The following LIPI variants were observed in gnomAD, a reference collection of about 807,000 sequenced individuals.
The protein encoded by LIPI is lipase I.
In LIPI, 59 loss-of-function variants were observed where a neutral mutation model predicts 50.6. That is an observed-to-expected ratio of 1.16 (90% CI 0.94 to 1.45). The LOEUF (loss-of-function observed/expected upper bound fraction) is 1.45, where lower values mean the gene tolerates loss of function less well. Among genes scored for constraint, LIPI ranks in the 40% most tolerant of loss-of-function variants. The pLI is 0.00. For synonymous variants in LIPI, 203 were observed against 178.2 expected (o/e 1.14, Z -1.11); for missense variants, 586 against 536.3 (o/e 1.09, Z -0.92).
At chr21:14,153,876 T>C (rs1268887455) in intron 7 of LIPI, among the ~76,000 whole-genome samples, 1 of 152,188 alleles carries the variant, frequency 6.6e-6, no homozygotes, top group Non-Finnish European at 1.5e-5. Context: ...ATAAATTGTT[T>C]CTTGAGATTA....
chr21:14,174,842 G>A (rs966682021), intron 4 of LIPI, among the ~76,000 whole-genome samples: 3 of 152,100 alleles, frequency 2.0e-5, no homozygotes, highest in South Asian at 4.1e-4. Context: ...GTGAGCCACC[G>A]CACCCGGCCT....
intron 9 of LIPI, among the ~76,000 whole-genome samples, chr21:14,121,451 A>T (rs553209304): frequency 1.3e-5 from 2 of 152,218 alleles, no homozygotes; most frequent in Non-Finnish European, 2.9e-5. Context: ...GACCAACTGC[A>T]CTTATATCTC....
chr21:14,169,572 T>C (rs1228995286), intron 4 of LIPI, among the ~76,000 whole-genome samples: 14 of 152,036 alleles, frequency 9.2e-5, no homozygotes, highest in Non-Finnish European at 1.9e-4. Context: ...CTCAAAACCG[T>C]TCAACTACAT....
chr21:14,157,837 A>G (rs1428916513), intron 7 of LIPI, among the ~76,000 whole-genome samples: 2 of 151,694 alleles, frequency 1.3e-5, no homozygotes, highest in Admixed American at 6.6e-5. Flanking sequence ...TGTTGACTCT[A>G]TTTTTCTTCT....
At chr21:14,191,376 C>CAAAAAAA (rs71183411) in intron 1 of LIPI, among the ~76,000 whole-genome samples, 2 of 86,292 alleles carry the variant, frequency 2.3e-5, no homozygotes, top group South Asian at 3.8e-4. Context: ...GACTCCGTCT[C>CAAAAAAA]AAAAAAAAAA....
chr21:14,109,075 G>A lies in LIPI; in HGVS notation c.1301C>T (p.Pro434Leu). 6.3e-7 allele frequency: 1 copy of A among 1,594,234 alleles called. No homozygotes were observed. The highest frequency in any genetic ancestry group is 1.3e-5 in the African/African-American group (1 of 74,552). ...AAGTACAATATTATACCTGCAAAGT[G>A]GTGGTCTGAGAAAGAGAAAAATGGA... is the stretch of plus-strand genomic sequence containing the variant. ...LKSLTYPERP[P>L]LCRYNIVLKD... The change falls in exon 10 of 10, where the codon CCA (proline) becomes CTA (leucine). Residue 434 changes from proline to leucine, a missense_variant. By Grantham distance (98) the Pro-to-Leu change is moderately conservative. Coordinates refer to ENST00000681601, the MANE Select transcript of LIPI (RefSeq NM_001302998.2).
At chr21:14,187,008 G>A (rs550960501) in intron 2 of LIPI, among the ~76,000 whole-genome samples, 15 of 152,246 alleles carry the variant, frequency 9.9e-5, no homozygotes, top group African/African-American at 3.4e-4. Context: ...CCAAAATTAT[G>A]CTAATTTGCC....
chr21:14,143,531 A>G (rs960256338), intron 9 of LIPI: 1 of 152,002 alleles, frequency 6.6e-6, no homozygotes, highest in Admixed American at 6.6e-5. Context: ...TATGTTTAAC[A>G]TTGACAAGAA....
intron 1 of LIPI, among the ~76,000 whole-genome samples, chr21:14,199,163 C>A (rs1294667623): frequency 6.6e-6 from 1 of 152,004 alleles, no homozygotes; most frequent in African/African-American, 2.4e-5. Context: ...CTCAAGTTAA[C>A]AATCTAACAT....
chr21:14,183,713 A>C (rs1361312611), intron 3 of LIPI, among the ~76,000 whole-genome samples: 1 of 152,226 alleles, frequency 6.6e-6, no homozygotes, highest in Non-Finnish European at 1.5e-5. Flanking sequence ...CAGCCAAAAA[A>C]CACATGAAAA....
chr21:14,158,567 G>T (rs997041657), intron 7 of LIPI, among the ~76,000 whole-genome samples: 3 of 149,270 alleles, frequency 2.0e-5, no homozygotes, highest in Non-Finnish European at 4.5e-5. Context: ...TAGAAGAAAA[G>T]ATGTGTGTGT....
At chr21:14,193,050 A>G (rs2019729697) in intron 1 of LIPI, among the ~76,000 whole-genome samples, 1 of 152,240 alleles carries the variant, frequency 6.6e-6, no homozygotes, top group Non-Finnish European at 1.5e-5. Flanking sequence ...AATGCATGTT[A>G]ATGGGTACAC....
chr21:14,160,383 T>TTA (rs1489273600), intron 7 of LIPI, among the ~76,000 whole-genome samples: 1 of 151,378 alleles, frequency 6.6e-6, no homozygotes, highest in East Asian at 1.9e-4. Context: ...GATATCTATA[T>TTA]TATATATCTC....
At position 14,189,040 on chromosome 21, in the gene LIPI, A is replaced by G; in HGVS notation, c.426T>C (p.Asn142=). Residue 142 remains asparagine (N), a synonymous_variant, in exon 2 of 10, where the codon AAT becomes AAC. Transcript: ENST00000681601. ...ATAAAATTCCCAGACTTACCAAAAG[A>G]TTTTTAATGTGCACACTCAAACTCA... ...VAVSLSVHIK[N]LLKHGASLDN... 1 of 1,604,296 alleles carries G rather than the reference A, an allele frequency of 6.2e-7. No individual in the cohort carries two copies. The highest frequency in any genetic ancestry group is 8.5e-7 in the Non-Finnish European group (1 of 1,179,676).
rs1456996366 is a variant in LIPI at position 14,130,644 on chromosome 21, T to C, written c.1295+13979A>G. 2.0e-5 allele frequency among the ~76,000 whole-genome samples: 3 copies of C among 152,224 alleles called. No homozygotes were observed. In the East Asian group the frequency reaches 5.8e-4, roughly 29 times the overall value. Reference sequence around the variant, plus strand: ...GCATCATTTTGAGAGTTTAGTGATATGCTGTGCCTGACCCTTGGGCCAAGT... The same window carrying C: ...GCATCATTTTGAGAGTTTAGTGATACGCTGTGCCTGACCCTTGGGCCAAGT... On this transcript the variant is annotated intron_variant, in intron 9 of 9. Coordinates refer to ENST00000681601, the MANE Select transcript of LIPI (RefSeq NM_001302998.2).
intron 9 of LIPI, among the ~76,000 whole-genome samples, chr21:14,134,978 AC>A (rs2017437396): frequency 6.6e-6 from 1 of 152,212 alleles, no homozygotes; most frequent in Non-Finnish European, 1.5e-5. Flanking sequence ...CAAAAAAGAA[AC>A]AATCAACCGA....
At chr21:14,202,523 A>C (rs112599283) in intron 1 of LIPI, among the ~76,000 whole-genome samples, 21,536 of 152,034 alleles carry the variant, frequency 0.14, 1,932 homozygotes, top group South Asian at 0.21. Flanking sequence ...CTCAGAAATA[A>C]TGCCGCATAT....
intron 7 of LIPI, among the ~76,000 whole-genome samples, chr21:14,160,329 C>T (rs1454851183): frequency 6.6e-6 from 1 of 151,078 alleles, no homozygotes. Flanking sequence ...AGACCCAACA[C>T]AAATAGGTAC....
At chr21:14,169,470 T>A (rs1484581501) in intron 4 of LIPI, among the ~76,000 whole-genome samples, 1 of 151,640 alleles carries the variant, frequency 6.6e-6, no homozygotes, top group East Asian at 1.9e-4. Flanking sequence ...GAAGTAAAGC[T>A]CTCCTCAGCA....
Sources: gnomAD v4.1 joint callset for allele counts (sites outside exome capture counted in the v4.1 genomes callset) on GRCh38, gnomAD v4.1.1 for gene constraint, MANE v1.5 for transcripts, NCBI Gene and HGNC (gene_info 2026-07-23, HGNC 2026-07-21) for gene names.